Variants in RBFOX1 observed in about 807,000 individuals in gnomAD.
RBFOX1 encodes RNA binding protein fox-1 homolog 1.
Under a neutral mutation model 57.7 loss-of-function variants are expected in RBFOX1, and 8 were observed. The ratio of observed to expected loss-of-function variants is 0.14; its 90% CI spans 0.08 to 0.25. RBFOX1 has a LOEUF of 0.25. RBFOX1 is among the 10% of genes least tolerant of loss of function. The pLI is 1.00. For missense variants in RBFOX1, 611 were observed against 548.5 expected, an observed-to-expected ratio of 1.11 and a Z score of -1.14; for synonymous variants, 326 against 222.4, an observed-to-expected ratio of 1.47 and a Z score of -4.15.
chr16:7,629,580 A>G (rs1214333864), intron 10 of RBFOX1, among the ~76,000 whole-genome samples: 1 of 152,134 alleles, frequency 6.6e-6, no homozygotes, highest in Non-Finnish European at 1.5e-5. Flanking sequence ...ACTCCTCAGA[A>G]TTCTAATTAT....
intron 2 of RBFOX1, among the ~76,000 whole-genome samples, chr16:6,591,698 C>G (rs1037738341): frequency 6.6e-6 from 1 of 152,266 alleles, no homozygotes; most frequent in Non-Finnish European, 1.5e-5. Flanking sequence ...TTTTCTACAG[C>G]TTAATTTCTA....
intron 3 of RBFOX1, among the ~76,000 whole-genome samples, chr16:6,857,318 A>C (rs2058089385): frequency 6.6e-6 from 1 of 152,196 alleles, no homozygotes; most frequent in South Asian, 2.1e-4. Context: ...CCTTTACTGA[A>C]GAACTATTTA....
chr16:5,823,861 A>G (rs1028017989), intron 3 of RBFOX1, among the ~76,000 whole-genome samples: 1 of 152,192 alleles, frequency 6.6e-6, no homozygotes, highest in Non-Finnish European at 1.5e-5. Flanking sequence ...TAATTATTTT[A>G]TTATATATTA....
intron 3 of RBFOX1, among the ~76,000 whole-genome samples, chr16:6,929,643 G>C (rs1252012452): frequency 2.0e-5 from 3 of 151,926 alleles, no homozygotes; most frequent in Admixed American, 2.0e-4. Context: ...TCACCTTTAG[G>C]GATTCTCAGA....
At chr16:6,910,001 G>A (rs2071144423) in intron 3 of RBFOX1, among the ~76,000 whole-genome samples, 1 of 151,992 alleles carries the variant, frequency 6.6e-6, no homozygotes, top group African/African-American at 2.4e-5. Context: ...GAAAGGTGTT[G>A]TTTGTTTGGT....
In RBFOX1 at chr16:6,840,456, C is replaced by G. The variant is rs114559849; in HGVS notation, c.-16+185806C>G. ...CAACTATAATTAGTAGAATTAACTG[C>G]TATTGGCTGAATGTTCATGTCCCCC... On this transcript the variant is annotated intron_variant, in intron 3 of 15. Transcript: ENST00000550418. Among the ~76,000 whole-genome samples, 544 of 152,230 alleles carry G rather than the reference C, an allele frequency of 3.6e-3. 6 individuals carry two copies. The highest frequency in any genetic ancestry group is 0.012 in the African/African-American group (502 of 41,544).
intron 2 of RBFOX1, among the ~76,000 whole-genome samples, chr16:5,517,615 T>A (rs1416272198): frequency 1.3e-5 from 2 of 152,178 alleles, no homozygotes; most frequent in East Asian, 3.9e-4. Flanking sequence ...TTTCCTAAGA[T>A]GTGTGATTGA....
At chr16:6,358,725 G>C (rs2087844969) in intron 2 of RBFOX1, among the ~76,000 whole-genome samples, 1 of 152,124 alleles carries the variant, frequency 6.6e-6, no homozygotes, top group South Asian at 2.1e-4. Context: ...AGGTGAAGCT[G>C]GAGTTTGGAA....
At chr16:6,981,042 CAA>C (rs36117809) in intron 3 of RBFOX1, among the ~76,000 whole-genome samples, 4 of 77,432 alleles carry the variant, frequency 5.2e-5, no homozygotes, top group African/African-American at 2.4e-4. Flanking sequence ...GTCTCAGTCT[CAA>C]AAAAAAAAAA....
intron 4 of RBFOX1, among the ~76,000 whole-genome samples, chr16:7,062,892 CATTTTTTTTTTT>C (rs1433618198): frequency 8.3e-5 from 5 of 59,932 alleles, no homozygotes; most frequent in Non-Finnish European, 1.3e-4. Context: ...AAATGATCGC[CATTTTTTTTTTT>C]TTTTTTTTTT....
At chr16:6,549,310 AGG>A (rs1311357675) in intron 2 of RBFOX1, among the ~76,000 whole-genome samples, 3 of 6,000 alleles carry the variant, frequency 5.0e-4, no homozygotes, top group Non-Finnish European at 7.1e-4. Flanking sequence ...AGGAGGGAAA[AGG>A]AGGAGGGGAG....
intron 1 of RBFOX1, among the ~76,000 whole-genome samples, chr16:5,267,583 C>T (rs1192366269): frequency 6.6e-6 from 1 of 151,536 alleles, no homozygotes; most frequent in Non-Finnish European, 1.5e-5. Context: ...CAGGTGTGAG[C>T]CACTGTGCCT....
intron 2 of RBFOX1, among the ~76,000 whole-genome samples, chr16:5,473,784 T>C (rs2069222139): frequency 7.5e-6 from 1 of 133,882 alleles, no homozygotes; most frequent in South Asian, 2.4e-4. Flanking sequence ...GGTAGATGGA[T>C]AGATGAATTG....
intron 2 of RBFOX1, among the ~76,000 whole-genome samples, chr16:6,505,136 A>G (rs1046092388): frequency 1.3e-5 from 2 of 152,152 alleles, no homozygotes; most frequent in Admixed American, 1.3e-4. Flanking sequence ...TTCCTTCACC[A>G]GACTTGGGGG....
chr16:7,345,907 C>G (rs1031534417), intron 4 of RBFOX1, among the ~76,000 whole-genome samples: 1 of 151,976 alleles, frequency 6.6e-6, no homozygotes, highest in East Asian at 1.9e-4. Context: ...ATACATGTGC[C>G]ATGTTGGTGT....
chr16:7,171,308 T>C (rs2080653420), intron 4 of RBFOX1, among the ~76,000 whole-genome samples: 1 of 152,176 alleles, frequency 6.6e-6, no homozygotes, highest in Admixed American at 6.5e-5. Context: ...TGCAGTGTCA[T>C]TGTACATCCC....
intron 2 of RBFOX1, among the ~76,000 whole-genome samples, chr16:6,570,150 C>T (rs950885112): frequency 6.6e-6 from 1 of 152,130 alleles, no homozygotes; most frequent in Admixed American, 6.5e-5. Flanking sequence ...ACACTAATTT[C>T]GTTATATATT....
intron 4 of RBFOX1, among the ~76,000 whole-genome samples, chr16:7,241,798 T>A (rs1731333925): frequency 6.6e-6 from 1 of 151,680 alleles, no homozygotes. Context: ...TGTCTATAAA[T>A]GTAGATACTC....
chr16:5,801,047 C>G (rs1029033218), intron 3 of RBFOX1, among the ~76,000 whole-genome samples: 1 of 152,074 alleles, frequency 6.6e-6, no homozygotes, highest in Non-Finnish European at 1.5e-5. Flanking sequence ...ACAGGATTGC[C>G]ACTTTTGATG....
Sources: gnomAD v4.1 joint callset for allele counts (sites outside exome capture counted in the v4.1 genomes callset) on GRCh38, gnomAD v4.1.1 for gene constraint, MANE v1.5 for transcripts, NCBI Gene and HGNC (gene_info 2026-07-23, HGNC 2026-07-21) for gene names.